Variants in RING1 observed in about 807,000 individuals in gnomAD.
RING1 encodes the protein E3 ubiquitin-protein ligase RING1.
Under a neutral mutation model 35.0 loss-of-function variants are expected in RING1, and 8 were observed. The ratio of observed to expected loss-of-function variants is 0.23; its 90% CI spans 0.13 to 0.41. The LOEUF is 0.41. Among genes scored for constraint, RING1 ranks in the 10% least tolerant of loss-of-function variants. The pLI, the probability that RING1 is intolerant of heterozygous loss-of-function variation, is 1.00. For synonymous variants in RING1, 214 were observed against 224.3 expected, an observed-to-expected ratio of 0.95 and a Z score of 0.41; for missense variants, 343 against 546.8, an observed-to-expected ratio of 0.63 and a Z score of 3.72.
Position 33,211,719 on chromosome 6 carries a change from C to T in RING1, c.846-10C>T. 3 of 1,537,368 alleles carry T rather than the reference C, an allele frequency of 2.0e-6. No individual in the cohort carries two copies. Among genetic ancestry groups the T allele is most frequent in the Non-Finnish European group, 2.6e-6 (3 of 1,141,842 alleles). On this transcript the variant is annotated splice_polypyrimidine_tract_variant and intron_variant, in intron 5 of 6. Transcript: ENST00000374656. The surrounding 1 kb of genome is among the most constrained non-coding windows in gnomAD (Gnocchi z 6.3). ...CTCTGGCTCTAAGCCTGTCCTCCCTCCCATTCCAGGTATGTGAAGACAACT... is the reference window on the plus strand; with the variant it reads ...CTCTGGCTCTAAGCCTGTCCTCCCTTCCATTCCAGGTATGTGAAGACAACT...
chr6:33,211,811 C>A lies in RING1; in HGVS notation c.928C>A (p.Gln310Lys). The A allele has an allele frequency of 6.2e-7, 1 of 1,607,858 alleles. No individual in the cohort carries two copies. Among genetic ancestry groups the A allele is most frequent in the Non-Finnish European group, 8.5e-7 (1 of 1,176,524 alleles). The change falls in exon 6 of 7, where the codon CAG becomes AAG. Residue 310 changes from glutamine (Q) to lysine (K), a missense_variant. Physicochemically the swap from Gln to Lys is moderately conservative, Grantham distance 53 (BLOSUM62 1). This residue lies in a region of RING1 where 278 missense variants were observed against 383.5 expected (regional missense o/e 0.72). Transcript: ENST00000374656. This position sits in a 1 kb window ranked among gnomAD's most constrained non-coding sequence, Gnocchi z 6.3. ...ALRIALERRQ[Q>K]QEAGEPGGPG... ...GCGCATTGCCCTCGAGCGGAGGCAA[C>A]AGCAGGAAGCAGGGGAGCCAGGAGG...
Position 33,211,575 on chromosome 6 carries a change from C to G in RING1, c.845+28C>G. On this transcript the variant is annotated intron_variant, in intron 5 of 6. Coordinates refer to ENST00000374656, the MANE Select transcript of RING1 (RefSeq NM_002931.4). The surrounding 1 kb of genome is among the most constrained non-coding windows in gnomAD (Gnocchi z 6.3). ...GAGGAGCCCTGTCTTTCCCCAGCCA[C>G]TGAGAAACCAAAGATCACCTAGATT... 1 of 1,600,476 alleles carries G rather than the reference C, an allele frequency of 6.2e-7. No homozygotes were observed. The highest frequency in any genetic ancestry group is 8.5e-7 in the Non-Finnish European group (1 of 1,176,900).
Position 33,208,800 on chromosome 6 carries a change from TG to T in RING1, c.-17del, listed in dbSNP as rs779498989. Reference sequence around the variant, plus strand: ...CTTCTCCTCGGCTGTGGAGCCCTGGTGGGGGGTCTGCGCCCGGTCACCATGA... The same window carrying T: ...CTTCTCCTCGGCTGTGGAGCCCTGGTGGGGGTCTGCGCCCGGTCACCATGA... On this transcript the variant is annotated 5_prime_UTR_variant, in exon 2 of 7. Transcript: ENST00000374656. This position sits in a 1 kb window ranked among gnomAD's most constrained non-coding sequence, Gnocchi z 6.2. 3.8e-6 allele frequency: 6 copies of T among 1,584,240 alleles called. No homozygotes were observed. In the African/African-American group the frequency reaches 5.4e-5, roughly 14 times the overall value.
At position 33,211,175 on chromosome 6, in the gene RING1, G is replaced by T; in HGVS notation, c.473G>T (p.Arg158Leu). The T allele has an allele frequency of 6.2e-7, 1 of 1,602,644 alleles. No individual in the cohort carries two copies. Among genetic ancestry groups the T allele is most frequent in the Non-Finnish European group, 8.5e-7 (1 of 1,172,064 alleles). ...QAMHRAQRVR[R>L]PIPGSDQTTT... Reference sequence around the variant, plus strand: ...TTCTACAGGGCCCAGCGTGTGAGGCGGCCGATACCAGGGTCAGATCAGACC... The same window carrying T: ...TTCTACAGGGCCCAGCGTGTGAGGCTGCCGATACCAGGGTCAGATCAGACC... The change falls in exon 5 of 7, where the codon CGG becomes CTG. Residue 158 changes from arginine (R) to leucine (L), a missense_variant. Physicochemically the swap from Arg to Leu is moderately radical, Grantham distance 102. This residue lies in a region of RING1 where 278 missense variants were observed against 383.5 expected (regional missense o/e 0.72). Coordinates refer to ENST00000374656, the MANE Select transcript of RING1 (RefSeq NM_002931.4). This position sits in a 1 kb window ranked among gnomAD's most constrained non-coding sequence, Gnocchi z 6.3.
In RING1 at chr6:33,209,477, T is replaced by G. The variant is rs973723373; in HGVS notation, c.79-149T>G. 1.4e-6 allele frequency: 1 copy of G among 712,384 alleles called. No homozygotes were observed. Among genetic ancestry groups the G allele is most frequent in the South Asian group, 1.9e-5 (1 of 53,504 alleles). The allele number at this position is 712,384 out of a possible 1,614,324, so 44.1% of individuals were successfully genotyped here. On this transcript the variant is annotated intron_variant, in intron 2 of 6. Transcript: ENST00000374656. The surrounding 1 kb of genome is among the most constrained non-coding windows in gnomAD (Gnocchi z 5.1). ...TTCTCCATTTGCTCCAAGTCATCAGTCCTTCTCTTTCTCAGAATTCTTGTC... is the reference window on the plus strand; with the variant it reads ...TTCTCCATTTGCTCCAAGTCATCAGGCCTTCTCTTTCTCAGAATTCTTGTC...
At position 33,212,419 on chromosome 6, in the gene RING1, G is replaced by A; in HGVS notation, c.*20G>A. 1.3e-6 allele frequency: 2 copies of A among 1,499,968 alleles called. No homozygotes were observed. Among genetic ancestry groups the A allele is most frequent in the Non-Finnish European group, 1.8e-6 (2 of 1,094,902 alleles). 92.9% of individuals were successfully genotyped at this position (1,499,968 alleles called of 1,614,324 possible). A position where few individuals can be genotyped will look rare whatever the true frequency, so the allele number is the denominator to read the frequency against. ...AAGTGACCCCACCAGGGGACAGCCA[G>A]AGGAAGGGGACCATGGGGTATCCCT... On this transcript the variant is annotated 3_prime_UTR_variant, in exon 7 of 7. Transcript: ENST00000374656.
intron 6 of RING1, 105 bp from the exon 7 acceptor site, chr6:33,212,192 TC>T (rs1048973464): frequency 1.1e-6 from 1 of 928,356 alleles, no homozygotes; most frequent in African/African-American, 1.7e-5. Flanking sequence ...ATTCCTTTTT[TC>T]TTTCCTCCTC....
Position 33,209,119 on chromosome 6 carries a change from G to C in RING1, c.78+219G>C, listed in dbSNP as rs1335755650. On this transcript the variant is annotated intron_variant, in intron 2 of 6. Coordinates refer to ENST00000374656, the MANE Select transcript of RING1 (RefSeq NM_002931.4). The surrounding 1 kb of genome is among the most constrained non-coding windows in gnomAD (Gnocchi z 5.1). ...GGAACAAGTATTATTATCTTCATTT[G>C]AAAGATCACAAACACAAAAATTACC... The C allele has an allele frequency of 1.0e-5, 7 of 700,170 alleles. 1 individual carries two copies. In the South Asian group the frequency reaches 1.0e-4, roughly 10 times the overall value. 43.4% of individuals were successfully genotyped at this position (700,170 alleles called of 1,614,324 possible).
intron 4 of RING1, among the ~76,000 whole-genome samples, chr6:33,210,537 G>A (rs1775446626): frequency 6.6e-6 from 1 of 151,948 alleles, no homozygotes; most frequent in African/African-American, 2.4e-5. Context: ...GGAAGAAAGT[G>A]GATGTTGCAG....
At position 33,208,897 on chromosome 6, in the gene RING1, G is replaced by A; in HGVS notation, c.75G>A (p.Pro25=). ...GTCTGTATGAGCTGCACCGGACCCC[G>A]CAGGTGACAGGCATTCTCCCTTTCA... is the stretch of plus-strand genomic sequence containing the variant. ...ELSLYELHRT[P]QEAIMDGTEI... Residue 25 remains proline (P), a synonymous_variant, in exon 2 of 7, where the codon CCG becomes CCA. Coordinates refer to ENST00000374656, the MANE Select transcript of RING1 (RefSeq NM_002931.4). The surrounding 1 kb of genome is among the most constrained non-coding windows in gnomAD (Gnocchi z 6.2). The A allele has an allele frequency of 6.2e-7, 1 of 1,611,482 alleles. No individual in the cohort carries two copies. The highest frequency in any genetic ancestry group is 8.5e-7 in the Non-Finnish European group (1 of 1,179,134).
rs560092287 is a variant in RING1, at chr6:33,209,442, A to G, written c.79-184A>G. On this transcript the variant is annotated intron_variant, in intron 2 of 6. Coordinates refer to ENST00000374656, the MANE Select transcript of RING1 (RefSeq NM_002931.4). The surrounding 1 kb of genome is among the most constrained non-coding windows in gnomAD (Gnocchi z 5.1). Reference sequence around the variant, plus strand: ...CCTACTCTTAGTTAATGGACACTAAAGTCTGTCTTTTCTCCATTTGCTCCA... The same window carrying G: ...CCTACTCTTAGTTAATGGACACTAAGGTCTGTCTTTTCTCCATTTGCTCCA... The G allele has an allele frequency of 3.2e-6, 2 of 623,880 alleles. No homozygotes were observed. The highest frequency in any genetic ancestry group is 4.1e-5 in the South Asian group (2 of 49,030). The allele number at this position is 623,880 out of a possible 1,614,324, so 38.6% of individuals were successfully genotyped here. A position where few individuals can be genotyped will look rare whatever the true frequency, so the allele number is the denominator to read the frequency against.
rs758554493 is a variant in RING1, at chr6:33,212,356, G to A, written c.1178G>A (p.Arg393Gln). The stretch of plus-strand genomic sequence containing the variant: ...AATGAGAAATTCTGGAAGGTGTCCC[G>A]GCCACTGGAGCTGTGCTATGCTCCC... ...LVNEKFWKVS[R>Q]PLELCYAPTK... Residue 393 changes from arginine (R) to glutamine (Q), a missense_variant, in exon 7 of 7, where the codon CGG becomes CAG. Coordinates refer to ENST00000374656, the MANE Select transcript of RING1 (RefSeq NM_002931.4). 35 of 1,596,190 alleles carry A rather than the reference G, an allele frequency of 2.2e-5. No homozygotes were observed. Among genetic ancestry groups the A allele is most frequent in the East Asian group, 6.8e-5 (3 of 44,078 alleles).
Position 33,211,087 on chromosome 6 carries a change from A to G in RING1, c.456-71A>G. The G allele has an allele frequency of 1.4e-6, 2 of 1,472,302 alleles. No individual in the cohort carries two copies. Among genetic ancestry groups the G allele is most frequent in the Non-Finnish European group, 1.8e-6 (2 of 1,100,338 alleles). 91.2% of individuals were successfully genotyped at this position (1,472,302 alleles called of 1,614,324 possible). A position where few individuals can be genotyped will look rare whatever the true frequency, so the allele number is the denominator to read the frequency against. On this transcript the variant is annotated intron_variant, in intron 4 of 6. Coordinates refer to ENST00000374656, the MANE Select transcript of RING1 (RefSeq NM_002931.4). This position sits in a 1 kb window ranked among gnomAD's most constrained non-coding sequence, Gnocchi z 6.3. ...GTCATTAGGATTTTTCTTATCTCTT[A>G]ATTCTCTGAAGTTTAAAGTCTAAGC...
Position 33,211,035 on chromosome 6 carries a change from C to CA in RING1, c.456-122dup, listed in dbSNP as rs766133770. ...CACTTAGTATACTGAGTGCTTAGCA[C>CA]ATTGTGTTTAATAAATATTAGGTAT... On this transcript the variant is annotated intron_variant, in intron 4 of 6. Transcript: ENST00000374656. This position sits in a 1 kb window ranked among gnomAD's most constrained non-coding sequence, Gnocchi z 6.3. 19 of 1,126,350 alleles carry CA rather than the reference C, an allele frequency of 1.7e-5. No individual in the cohort carries two copies. The highest frequency in any genetic ancestry group is 2.4e-5 in the Non-Finnish European group (19 of 798,098). The allele number at this position is 1,126,350 out of a possible 1,614,324, so 69.8% of individuals were successfully genotyped here.
Position 33,212,376 on chromosome 6 carries a change from G to T in RING1, c.1198G>T (p.Ala400Ser). 6.3e-7 allele frequency: 1 copy of T among 1,592,596 alleles called. No individual in the cohort carries two copies. The highest frequency in any genetic ancestry group is 8.6e-7 in the Non-Finnish European group (1 of 1,169,528). Residue 400 changes from alanine to serine, a missense_variant, in exon 7 of 7, where the codon GCT becomes TCT. Physicochemically the swap from Ala to Ser is moderately conservative, Grantham distance 99. Around this residue, in one of 2 missense-constraint regions of RING1, gnomAD observed 278 missense variants for 383.5 expected, o/e 0.72. Transcript: ENST00000374656. Reference protein sequence around the residue: ...KVSRPLELCYAPTKDPK With the variant: ...KVSRPLELCYSPTKDPK Reference sequence around the variant, plus strand: ...GTCCCGGCCACTGGAGCTGTGCTATGCTCCCACCAAGGATCCAAAGTGACC... The same window carrying T: ...GTCCCGGCCACTGGAGCTGTGCTATTCTCCCACCAAGGATCCAAAGTGACC...
chr6:33,212,582 G>T lies in RING1; in HGVS notation c.*183G>T. 1 of 500,684 alleles carries T rather than the reference G, an allele frequency of 2.0e-6. No homozygotes were observed. The allele number at this position is 500,684 out of a possible 1,614,324, so 31.0% of individuals were successfully genotyped here. A position where few individuals can be genotyped will look rare whatever the true frequency, so the allele number is the denominator to read the frequency against. ...ATTCTTCTATATTGTACAGAGTGGG[G>T]CAAAACACGCCCCCATCTGCTGCCT... On this transcript the variant is annotated 3_prime_UTR_variant, in exon 7 of 7. Transcript: ENST00000374656.
At position 33,208,777 on chromosome 6, in the gene RING1, T is replaced by G. The variant is rs1323619438; in HGVS notation, c.-46T>G. The G allele has an allele frequency of 6.7e-6, 10 of 1,493,916 alleles. No homozygotes were observed. The highest frequency in any genetic ancestry group is 9.0e-6 in the Non-Finnish European group (10 of 1,110,274). The allele number at this position is 1,493,916 out of a possible 1,614,324, so 92.5% of individuals were successfully genotyped here. A position where few individuals can be genotyped will look rare whatever the true frequency, so the allele number is the denominator to read the frequency against. ...CCCCCACCCCCAGCCTTCTTCGCCT[T>G]CTCCTCGGCTGTGGAGCCCTGGTGG... On this transcript the variant is annotated 5_prime_UTR_variant, in exon 2 of 7. Transcript: ENST00000374656. The surrounding 1 kb of genome is among the most constrained non-coding windows in gnomAD (Gnocchi z 6.2).
At position 33,211,114 on chromosome 6, in the gene RING1, C is replaced by G. The variant is rs570772279; in HGVS notation, c.456-44C>G. 9 of 1,527,836 alleles carry G rather than the reference C, an allele frequency of 5.9e-6. No individual in the cohort carries two copies. The East Asian group carries it at 1.8e-4, about 31-fold the overall frequency. 94.6% of individuals were successfully genotyped at this position (1,527,836 alleles called of 1,614,324 possible). On this transcript the variant is annotated intron_variant, in intron 4 of 6. Transcript: ENST00000374656. This position sits in a 1 kb window ranked among gnomAD's most constrained non-coding sequence, Gnocchi z 6.3. ...TTCTCTGAAGTTTAAAGTCTAAGCC[C>G]TTTATCCTGGATGCCTTCTAACCTT...
chr6:33,208,802 G>T lies in RING1; in HGVS notation c.-21G>T, dbSNP rs757834893. The T allele has an allele frequency of 5.0e-6, 8 of 1,588,806 alleles. No individual in the cohort carries two copies. In the Admixed American group the frequency reaches 1.4e-4, roughly 27 times the overall value. On this transcript the variant is annotated 5_prime_UTR_variant, in exon 2 of 7. Coordinates refer to ENST00000374656, the MANE Select transcript of RING1 (RefSeq NM_002931.4). The surrounding 1 kb of genome is among the most constrained non-coding windows in gnomAD (Gnocchi z 6.2). ...TCTCCTCGGCTGTGGAGCCCTGGTG[G>T]GGGGTCTGCGCCCGGTCACCATGAC...
Sources: gnomAD v4.1 joint callset for allele counts (sites outside exome capture counted in the v4.1 genomes callset) on GRCh38, gnomAD v4.1.1 for gene constraint, gnomAD v4.1.1 regional missense constraint, Gnocchi (gnomAD v3.1) non-coding constraint, MANE v1.5 for transcripts, NCBI Gene and HGNC (gene_info 2026-07-23, HGNC 2026-07-21) for gene names.